The following ALK variants were observed in gnomAD, a reference collection of about 807,000 sequenced individuals.
ALK encodes ALK tyrosine kinase receptor.
ALK carries 74 observed loss-of-function variants against 163.1 expected under a neutral mutation model. The observed-to-expected ratio is 0.45, with a 90% CI of 0.38 to 0.55. ALK has a LOEUF of 0.55. ALK is among the 20% of genes least tolerant of loss of function. ALK has a pLI of 0.00. For synonymous variants in ALK, 960 were observed against 843.2 expected, an observed-to-expected ratio of 1.14 and a Z score of -2.40; for missense variants, 2,063 against 2,105.3, an observed-to-expected ratio of 0.98 and a Z score of 0.39.
At chr2:29,669,546 C>G (rs137901723) in intron 3 of ALK, among the ~76,000 whole-genome samples, 1 of 151,906 alleles carries the variant, frequency 6.6e-6, no homozygotes, top group African/African-American at 2.4e-5. Context: ...ATTTCTTTAT[C>G]CATTCAGCCA....
At chr2:29,361,473 C>T (rs547677827) in intron 5 of ALK, among the ~76,000 whole-genome samples, 11 of 152,144 alleles carry the variant, frequency 7.2e-5, no homozygotes, top group East Asian at 1.9e-4. Context: ...TCAATCCTGG[C>T]GCGTAGGAAA....
At chr2:29,200,179 T>C (rs1445865371) in intron 26 of ALK, among the ~76,000 whole-genome samples, 2 of 152,146 alleles carry the variant, frequency 1.3e-5, no homozygotes, top group Non-Finnish European at 2.9e-5. Flanking sequence ...TATTATTCCT[T>C]TCTGTTTGGT....
intron 5 of ALK, among the ~76,000 whole-genome samples, chr2:29,345,214 T>C (rs1667909725): frequency 6.6e-6 from 1 of 151,838 alleles, no homozygotes; most frequent in African/African-American, 2.4e-5. Context: ...GGCAACATAG[T>C]AAAACCTTGT....
rs1376225812 is a variant in ALK at position 29,395,478 on chromosome 2, C to A, written c.1155-11619G>T. Among the ~76,000 whole-genome samples, 3 of 152,318 alleles carry A rather than the reference C, an allele frequency of 2.0e-5. No homozygotes were observed. In the East Asian group the frequency reaches 5.8e-4, roughly 29 times the overall value. ...TTCACTGGGGTGGTCATGGTTGGAA[C>A]TCAGAACATGACCCCAAGGTATGGC... is the stretch of plus-strand genomic sequence containing the variant. On this transcript the variant is annotated intron_variant, in intron 4 of 28. Coordinates refer to ENST00000389048, the MANE Select transcript of ALK (RefSeq NM_004304.5).
intron 2 of ALK, among the ~76,000 whole-genome samples, chr2:29,695,793 T>C (rs1230274680): frequency 3.3e-5 from 5 of 152,066 alleles, no homozygotes; most frequent in Non-Finnish European, 5.9e-5. Flanking sequence ...ATTAGAGAAA[T>C]GCAAATCAAA....
intron 1 of ALK, among the ~76,000 whole-genome samples, chr2:29,882,015 G>C (rs866239414): frequency 5.3e-5 from 8 of 152,050 alleles, no homozygotes; most frequent in African/African-American, 9.7e-5. Context: ...CAGCAGCTCA[G>C]TGAAGACCCA....
intron 1 of ALK, among the ~76,000 whole-genome samples, chr2:29,801,113 C>T (rs1664457617): frequency 6.6e-6 from 1 of 152,128 alleles, no homozygotes; most frequent in South Asian, 2.1e-4. Context: ...TATGGAAGAC[C>T]ATGAGGCCCA....
chr2:29,208,978 C>T (rs117119118), intron 25 of ALK, among the ~76,000 whole-genome samples: 2 of 152,116 alleles, frequency 1.3e-5, no homozygotes, highest in East Asian at 1.9e-4. Flanking sequence ...AATAAGGCTG[C>T]GCTAAGTACT....
intron 3 of ALK, among the ~76,000 whole-genome samples, chr2:29,571,135 T>A (rs922788957): frequency 6.6e-6 from 1 of 151,928 alleles, no homozygotes; most frequent in Non-Finnish European, 1.5e-5. Flanking sequence ...TTGTGAAAGA[T>A]GAAAATGAAC....
chr2:29,757,092 T>C (rs1041710551), intron 1 of ALK, among the ~76,000 whole-genome samples: 1 of 152,208 alleles, frequency 6.6e-6, no homozygotes, highest in East Asian at 1.9e-4. Context: ...CAGTGAGCTC[T>C]GTAGGCTAGT....
At chr2:29,229,198 G>A (rs1025727855) in intron 15 of ALK, 132 bp from the exon 16 acceptor site, 10 of 789,936 alleles carry the variant, frequency 1.3e-5, no homozygotes, top group Non-Finnish European at 1.5e-5. Flanking sequence ...CCCATCTTCA[G>A]TGGGGCCTGG....
intron 9 of ALK, among the ~76,000 whole-genome samples, chr2:29,294,438 G>C (rs1020785816): frequency 6.6e-6 from 1 of 152,210 alleles, no homozygotes; most frequent in Non-Finnish European, 1.5e-5. Context: ...GGGAGATATT[G>C]TCATTATTAT....
rs917241690 is a variant in ALK, at chr2:29,222,708, C to G, written c.3360-101G>C. 13 of 987,034 alleles carry G rather than the reference C, an allele frequency of 1.3e-5. No homozygotes were observed. In the African/African-American group the frequency reaches 1.9e-4, roughly 15 times the overall value. 61.1% of individuals were successfully genotyped at this position (987,034 alleles called of 1,614,324 possible). A position where few individuals can be genotyped will look rare whatever the true frequency, so the allele number is the denominator to read the frequency against. On this transcript the variant is annotated intron_variant, in intron 20 of 28. Coordinates refer to ENST00000389048, the MANE Select transcript of ALK (RefSeq NM_004304.5). ...GGGCGTCACATTTAGTGGACAAACA[C>G]GAGAGGCGGGGGTAACATACACACT...
intron 3 of ALK, among the ~76,000 whole-genome samples, chr2:29,678,886 T>A (rs1573549473): frequency 1.3e-5 from 2 of 151,898 alleles, no homozygotes; most frequent in East Asian, 3.9e-4. Context: ...TGTTTATTTG[T>A]CAGTTAGGTT....
chr2:29,683,187 G>T (rs1396016947), intron 3 of ALK, among the ~76,000 whole-genome samples: 1 of 152,022 alleles, frequency 6.6e-6, no homozygotes, highest in Non-Finnish European at 1.5e-5. Context: ...GACCAACCTG[G>T]TCAACATCAT....
At chr2:29,399,061 G>A (rs904778043) in intron 4 of ALK, among the ~76,000 whole-genome samples, 11 of 152,154 alleles carry the variant, frequency 7.2e-5, no homozygotes, top group East Asian at 1.9e-4. Flanking sequence ...AAGTGGTGAC[G>A]GTGGTGCTTG....
chr2:29,666,418 T>A (rs1272355930), intron 3 of ALK, among the ~76,000 whole-genome samples: 1 of 152,074 alleles, frequency 6.6e-6, no homozygotes, highest in Non-Finnish European at 1.5e-5. Flanking sequence ...AGAAAGGAGC[T>A]CCCAGAAGTC....
chr2:29,866,979 G>A (rs372358992), intron 1 of ALK, among the ~76,000 whole-genome samples: 3 of 152,144 alleles, frequency 2.0e-5, no homozygotes, highest in African/African-American at 7.2e-5. Context: ...TAACCTTTTG[G>A]CTGAAATACA....
chr2:29,332,592 G>C (rs1267163112), intron 5 of ALK, among the ~76,000 whole-genome samples: 2 of 152,056 alleles, frequency 1.3e-5, no homozygotes, highest in African/African-American at 2.4e-5. Context: ...ATTTCTCTTT[G>C]GTTTAGTTTC....
Sources: gnomAD v4.1 joint callset for allele counts (sites outside exome capture counted in the v4.1 genomes callset) on GRCh38, gnomAD v4.1.1 for gene constraint, MANE v1.5 for transcripts, NCBI Gene and HGNC (gene_info 2026-07-23, HGNC 2026-07-21) for gene names.